The following ABCG8 variants were observed in gnomAD, a reference collection of about 807,000 sequenced individuals.
The protein encoded by ABCG8 is ATP binding cassette subfamily G member 8, also known as ATP-binding cassette sub-family G member 8.
ABCG8 carries 81 observed loss-of-function variants against 71.3 expected under a neutral mutation model. That is an observed-to-expected ratio of 1.14 (90% confidence interval 0.95 to 1.37). The LOEUF is 1.37. Among genes scored for constraint, ABCG8 ranks in the 40% most tolerant of loss-of-function variants. The pLI is 0.00. For missense variants in ABCG8, 1,119 were observed against 866.2 expected (o/e 1.29, Z -3.66); for synonymous variants, 451 against 354.7 (o/e 1.27, Z -3.05).
In ABCG8 at chr2:43,878,981, A is replaced by G. The variant is rs1470950347; in HGVS notation, c.*1068A>G. 6 of 152,256 alleles carry G rather than the reference A, an allele frequency of 3.9e-5. No individual in the cohort carries two copies. Among genetic ancestry groups the G allele is most frequent in the African/African-American group, 1.4e-4 (6 of 41,452 alleles). 9.4% of individuals were successfully genotyped at this position (152,256 alleles called of 1,614,324 possible). ...TTCTCTCTCCCGCTACCCTGTGAAG[A>G]GGAGCCTTCCACCACGACTGCAAGT... On this transcript the variant is annotated 3_prime_UTR_variant, in exon 13 of 13. Coordinates refer to ENST00000272286, the MANE Select transcript of ABCG8 (RefSeq NM_022437.3).
In ABCG8 at chr2:43,879,062, T is replaced by A. The variant is rs1313143786; in HGVS notation, c.*1149T>A. The A allele has an allele frequency of 6.6e-6, 1 of 152,276 alleles. No individual in the cohort carries two copies. The highest frequency in any genetic ancestry group is 6.5e-5 in the Admixed American group (1 of 15,282). The allele number at this position is 152,276 out of a possible 1,614,324, so 9.4% of individuals were successfully genotyped here. On this transcript the variant is annotated 3_prime_UTR_variant, in exon 13 of 13. Coordinates refer to ENST00000272286, the MANE Select transcript of ABCG8 (RefSeq NM_022437.3). ...GTGAGTCAGTTAAACCTCTTTTCTT[T>A]ATAAATTACCCAGTCTTGGGTATTT...
chr2:43,873,250 G>A (rs1669842501), intron 8 of ABCG8, among the ~76,000 whole-genome samples: 1 of 151,360 alleles, frequency 6.6e-6, no homozygotes, highest in Non-Finnish European at 1.5e-5. Context: ...GTGCACTAGG[G>A]CAATCTTGGC....
rs947777422 is a variant in ABCG8, at chr2:43,852,421, T to G, written c.629T>G (p.Val210Gly). ...CADTRVGNMY[V>G]RGLSGGERRR... ...GACACCCGCGTGGGCAACATGTACG[T>G]GCGGGGGTTGTCGGGGGGTGAGCGC... Residue 210 changes from valine (V) to glycine (G), a missense_variant, in exon 5 of 13, where the codon GTG becomes GGG. Val to Gly is a moderately radical substitution (Grantham distance 109). Transcript: ENST00000272286. 3 of 1,612,398 alleles carry G rather than the reference T, an allele frequency of 1.9e-6. No individual in the cohort carries two copies. Among genetic ancestry groups the G allele is most frequent in the African/African-American group, 2.7e-5 (2 of 74,830 alleles).
chr2:43,861,952 C>T (rs891688690), intron 6 of ABCG8, among the ~76,000 whole-genome samples: 2 of 147,330 alleles, frequency 1.4e-5, no homozygotes, highest in African/African-American at 5.0e-5. Flanking sequence ...CGATATAATT[C>T]TCACTCTCTG....
intron 6 of ABCG8, 125 bp downstream of exon 6, chr2:43,852,993 A>G (rs1470444894): frequency 8.4e-7 from 1 of 1,195,416 alleles, no homozygotes; most frequent in Non-Finnish European, 1.2e-6. Context: ...GAGGAGGAGC[A>G]ATGATGGGGA....
intron 6 of ABCG8, among the ~76,000 whole-genome samples, chr2:43,870,542 TCA>T (rs766729044): frequency 4.0e-5 from 6 of 151,882 alleles, no homozygotes; most frequent in Non-Finnish European, 8.8e-5. Flanking sequence ...GATAGAACTC[TCA>T]CTATCTGTCT....
intron 1 of ABCG8, among the ~76,000 whole-genome samples, chr2:43,840,623 A>G (rs1668550752): frequency 6.6e-6 from 1 of 152,228 alleles, no homozygotes; most frequent in South Asian, 2.1e-4. Flanking sequence ...GAACAGTTAA[A>G]TAAAATAGTT....
chr2:43,875,105 A>G (rs1669914181), intron 10 of ABCG8, 41 bp from the exon 11 acceptor site: 1 of 1,613,816 alleles, frequency 6.2e-7, no homozygotes, highest in Non-Finnish European at 8.5e-7. Context: ...ATGGCAGTGA[A>G]GGTGCTGGCT....
At position 43,878,064 on chromosome 2, in the gene ABCG8, C is replaced by T; in HGVS notation, c.*151C>T. On this transcript the variant is annotated 3_prime_UTR_variant, in exon 13 of 13. Coordinates refer to ENST00000272286, the MANE Select transcript of ABCG8 (RefSeq NM_022437.3). ...CCCAGGGTGCTGCAGTGGCACAGAC[C>T]AGCCACAGGATGGCAGTAGAATAAA... 3 of 1,099,946 alleles carry T rather than the reference C, an allele frequency of 2.7e-6. No homozygotes were observed. Among genetic ancestry groups the T allele is most frequent in the South Asian group, 2.7e-5 (2 of 74,682 alleles). 68.1% of individuals were successfully genotyped at this position (1,099,946 alleles called of 1,614,324 possible). A position where few individuals can be genotyped will look rare whatever the true frequency, so the allele number is the denominator to read the frequency against.
intron 6 of ABCG8, among the ~76,000 whole-genome samples, chr2:43,871,310 GGATAGAACTCTCACTCTC>G (rs1308123169): frequency 6.2e-5 from 9 of 145,346 alleles, no homozygotes; most frequent in Admixed American, 6.2e-4. Context: ...CTCACTCTCT[GGATAGAACTCTCACTCTC>G]TGGATAGAAC....
intron 6 of ABCG8, among the ~76,000 whole-genome samples, chr2:43,861,057 G>A (rs192853868): frequency 1.3e-5 from 2 of 151,140 alleles, no homozygotes; most frequent in African/African-American, 4.8e-5. Context: ...TCACTCTCTG[G>A]ATAGAACCCT....
In ABCG8 at chr2:43,854,604, G is replaced by A. The variant is rs560033018; in HGVS notation, c.964+1736G>A. On this transcript the variant is annotated intron_variant, in intron 6 of 12. Coordinates refer to ENST00000272286, the MANE Select transcript of ABCG8 (RefSeq NM_022437.3). ...ATTGTGCCACTGCACCCCAGTCTGGGCGATAGAGTGAGACTCCATCTCAAA... is the reference window on the plus strand; with the variant it reads ...ATTGTGCCACTGCACCCCAGTCTGGACGATAGAGTGAGACTCCATCTCAAA... Among the ~76,000 whole-genome samples the A allele has an allele frequency of 1.0e-4, 15 of 146,396 alleles. No homozygotes were observed. In the East Asian group the frequency reaches 2.4e-3, roughly 24 times the overall value.
intron 11 of ABCG8, 80 bp from the exon 12 acceptor site, chr2:43,877,481 T>C: frequency 1.9e-6 from 3 of 1,604,928 alleles, no homozygotes; most frequent in Non-Finnish European, 1.7e-6. Context: ...ACTCTGTGAA[T>C]ATGGGGGAGA....
intron 3 of ABCG8, among the ~76,000 whole-genome samples, chr2:43,849,537 C>T (rs922028112): frequency 2.6e-5 from 4 of 152,180 alleles, no homozygotes; most frequent in African/African-American, 9.7e-5. Context: ...ATTACAATTT[C>T]GGATGAGATT....
intron 3 of ABCG8, chr2:43,847,858 T>A (rs969250724): frequency 7.9e-5 from 12 of 151,578 alleles, no homozygotes; most frequent in African/African-American, 2.7e-4. Flanking sequence ...CCTCCTGGGT[T>A]CAAGCGAGTC....
chr2:43,881,336 C>A lies in ABCG8; in HGVS notation c.*3423C>A, dbSNP rs1670126422. On this transcript the variant is annotated 3_prime_UTR_variant, in exon 13 of 13. Transcript: ENST00000272286. The stretch of plus-strand genomic sequence containing the variant: ...GAGCTTTAACAAAAGCCAATGTGGA[C>A]CCATTGCCCAGAGACTCTGATCCCA... 1 of 152,192 alleles carries A rather than the reference C, an allele frequency of 6.6e-6. No individual in the cohort carries two copies. Among genetic ancestry groups the A allele is most frequent in the Non-Finnish European group, 1.5e-5 (1 of 68,050 alleles). The allele number at this position is 152,192 out of a possible 1,614,324, so 9.4% of individuals were successfully genotyped here. A position where few individuals can be genotyped will look rare whatever the true frequency, so the allele number is the denominator to read the frequency against.
chr2:43,872,355 T>C (rs754828544), intron 8 of ABCG8, 49 bp downstream of exon 8: 4 of 1,553,438 alleles, frequency 2.6e-6, no homozygotes, highest in Non-Finnish European at 3.5e-6. Context: ...GCCCAAGTCT[T>C]TGTATATCAC....
At chr2:43,869,315 C>T (rs1341817315) in intron 6 of ABCG8, among the ~76,000 whole-genome samples, 1 of 152,084 alleles carries the variant, frequency 6.6e-6, no homozygotes, top group Non-Finnish European at 1.5e-5. Context: ...GGAAAGAACT[C>T]TCACTATCTT....
chr2:43,881,792 T>A lies in ABCG8; in HGVS notation c.*3879T>A, dbSNP rs1670138992. 6.6e-6 allele frequency: 1 copy of A among 152,120 alleles called. No homozygotes were observed. The highest frequency in any genetic ancestry group is 1.5e-5 in the Non-Finnish European group (1 of 68,034). 9.4% of individuals were successfully genotyped at this position (152,120 alleles called of 1,614,324 possible). A position where few individuals can be genotyped will look rare whatever the true frequency, so the allele number is the denominator to read the frequency against. The stretch of plus-strand genomic sequence containing the variant: ...CCCTGCATTGCGAAAGGGTAGAGAT[T>A]TGTTTATTTGTCAGTATTGAAAGCA... On this transcript the variant is annotated 3_prime_UTR_variant, in exon 13 of 13. Coordinates refer to ENST00000272286, the MANE Select transcript of ABCG8 (RefSeq NM_022437.3).
Sources: allele counts gnomAD v4.1 joint callset (sites outside exome capture counted in the v4.1 genomes callset), GRCh38; gene constraint gnomAD v4.1.1; transcripts MANE v1.5; gene names NCBI Gene and HGNC (gene_info 2026-07-23, HGNC 2026-07-21).